Variants in PRDM5 observed in about 807,000 individuals in gnomAD.
PRDM5 encodes PR/SET domain 5, also known as PR domain zinc finger protein 5.
Under a neutral mutation model 81.2 loss-of-function variants are expected in PRDM5, and 56 were observed. That is an observed-to-expected ratio of 0.69 (90% CI 0.56 to 0.86). The LOEUF is 0.86. Ranked by LOEUF, PRDM5 falls within the 40% of genes least tolerant of loss-of-function variation. The pLI is 0.00. For missense variants in PRDM5, 697 were observed against 770.1 expected (o/e 0.91, Z 1.12); for synonymous variants, 267 against 256.4 (o/e 1.04, Z -0.39).
intron 14 of PRDM5, among the ~76,000 whole-genome samples, chr4:120,741,748 T>C (rs1253787774): frequency 6.6e-6 from 1 of 151,928 alleles, no homozygotes; most frequent in Non-Finnish European, 1.5e-5. Context: ...CACCACGAGA[T>C]TATATCATGC....
At chr4:120,838,858 A>C (rs1026505514) in intron 3 of PRDM5, 1 of 217,542 alleles carries the variant, frequency 4.6e-6, no homozygotes, top group Non-Finnish European at 9.2e-6. Flanking sequence ...CCTGGATTCC[A>C]CACCTGCCAA....
intron 1 of PRDM5, among the ~76,000 whole-genome samples, chr4:120,912,940 C>T (rs993108618): frequency 6.6e-6 from 1 of 152,120 alleles, no homozygotes; most frequent in Non-Finnish European, 1.5e-5. Flanking sequence ...CATGGATGTG[C>T]CTTTGCAATA....
At chr4:120,714,364 C>A (rs903569429) in intron 14 of PRDM5, among the ~76,000 whole-genome samples, 10 of 151,916 alleles carry the variant, frequency 6.6e-5, no homozygotes, top group Non-Finnish European at 8.8e-5. Context: ...TTCTGTTGTA[C>A]TCTAATTTCT....
At chr4:120,702,380 T>A (rs937575419) in intron 15 of PRDM5, among the ~76,000 whole-genome samples, 7 of 152,174 alleles carry the variant, frequency 4.6e-5, no homozygotes, top group African/African-American at 1.7e-4. Context: ...TTACCCAGCT[T>A]ACTCCTACTC....
At chr4:120,755,233 A>C (rs1436041631) in intron 13 of PRDM5, among the ~76,000 whole-genome samples, 1 of 152,232 alleles carries the variant, frequency 6.6e-6, no homozygotes, top group Non-Finnish European at 1.5e-5. Flanking sequence ...AAACAGCCAA[A>C]ATGTTTTTCA....
intron 15 of PRDM5, among the ~76,000 whole-genome samples, chr4:120,704,373 A>G (rs376152269): frequency 1.3e-5 from 2 of 152,228 alleles, no homozygotes; most frequent in African/African-American, 2.4e-5. Flanking sequence ...AACTAGTTCA[A>G]GTAGTACAAC....
intron 2 of PRDM5, among the ~76,000 whole-genome samples, chr4:120,875,616 G>A (rs1762264145): frequency 1.3e-5 from 2 of 152,310 alleles, no homozygotes; most frequent in East Asian, 3.9e-4. Context: ...ACAAGCCAAA[G>A]CTAGATTTCT....
At chr4:120,699,532 T>A (rs1330491559) in intron 15 of PRDM5, among the ~76,000 whole-genome samples, 3 of 152,112 alleles carry the variant, frequency 2.0e-5, no homozygotes, top group Non-Finnish European at 4.4e-5. Context: ...AGCACCAACA[T>A]GGAATTGGCG....
At chr4:120,843,635 G>A (rs979243762) in intron 3 of PRDM5, among the ~76,000 whole-genome samples, 2 of 150,044 alleles carry the variant, frequency 1.3e-5, no homozygotes, top group African/African-American at 4.9e-5. Context: ...AGGCTGCAAT[G>A]AGCCATGATC....
At position 120,694,421 on chromosome 4, in the gene PRDM5, T is replaced by A. The variant is rs1202364433; in HGVS notation, c.*690A>T. ...GTATTCCAGACCATGAATGTCTGCA[T>A]CTGAATGATGAGAATAAATAATGTT... is the stretch of plus-strand genomic sequence containing the variant. On this transcript the variant is annotated 3_prime_UTR_variant, in exon 16 of 16. Coordinates refer to ENST00000264808, the MANE Select transcript of PRDM5 (RefSeq NM_018699.4). 1 of 152,206 alleles carries A rather than the reference T, an allele frequency of 6.6e-6. No homozygotes were observed. The highest frequency in any genetic ancestry group is 1.5e-5 in the Non-Finnish European group (1 of 68,060). 9.4% of individuals were successfully genotyped at this position (152,206 alleles called of 1,614,324 possible). A position where few individuals can be genotyped will look rare whatever the true frequency, so the allele number is the denominator to read the frequency against.
At position 120,920,035 on chromosome 4, in the gene PRDM5, G is replaced by A. The variant is rs569027163; in HGVS notation, c.93+2481C>T. Among the ~76,000 whole-genome samples the A allele has an allele frequency of 1.7e-4, 26 of 152,198 alleles. No homozygotes were observed. The South Asian group carries it at 2.1e-3, about 12-fold the overall frequency. ...CTAGTAGGACTAAGGTAAAGCCAGG[G>A]AATTAGGTGATTCTGCTGCAAAGAC... On this transcript the variant is annotated intron_variant, in intron 1 of 15. Coordinates refer to ENST00000264808, the MANE Select transcript of PRDM5 (RefSeq NM_018699.4).
intron 2 of PRDM5, among the ~76,000 whole-genome samples, chr4:120,903,893 T>C (rs58926376): frequency 0.017 from 2,570 of 152,106 alleles, 74 homozygotes; most frequent in African/African-American, 0.059. Context: ...TGTGAGACCA[T>C]TAAACTTCCT....
At chr4:120,784,808 A>G (rs931561395) in intron 11 of PRDM5, among the ~76,000 whole-genome samples, 190 bp downstream of exon 11, 1 of 152,184 alleles carries the variant, frequency 6.6e-6, no homozygotes, top group Non-Finnish European at 1.5e-5. Flanking sequence ...AATTAATATT[A>G]CTGTGGAAAA....
intron 2 of PRDM5, among the ~76,000 whole-genome samples, chr4:120,859,668 T>C (rs551777960): frequency 4.6e-5 from 7 of 152,330 alleles, no homozygotes; most frequent in Non-Finnish European, 8.8e-5. Context: ...AACCCAGATG[T>C]CATTTTAGCT....
chr4:120,740,546 T>C (rs139248368), intron 14 of PRDM5, among the ~76,000 whole-genome samples: 353 of 152,282 alleles, frequency 2.3e-3, no homozygotes, highest in African/African-American at 8.1e-3. Flanking sequence ...TAGATTCATC[T>C]GTGACTCCTC....
chr4:120,722,344 G>T (rs843571), intron 14 of PRDM5, among the ~76,000 whole-genome samples: 8 of 151,548 alleles, frequency 5.3e-5, no homozygotes, highest in African/African-American at 1.2e-4. Flanking sequence ...TGTAATCCCA[G>T]GCCTGTGTCT....
At chr4:120,835,350 G>A (rs997721878) in intron 3 of PRDM5, among the ~76,000 whole-genome samples, 1 of 152,180 alleles carries the variant, frequency 6.6e-6, no homozygotes, top group African/African-American at 2.4e-5. Flanking sequence ...AAGAGAAAAT[G>A]TGTCTGTGTG....
Position 120,751,561 on chromosome 4 carries a change from G to T in PRDM5, c.1623+2992C>A, listed in dbSNP as rs530647544. Among the ~76,000 whole-genome samples the T allele has an allele frequency of 9.9e-5, 15 of 152,038 alleles. No individual in the cohort carries two copies. The South Asian group carries it at 3.1e-3, about 32-fold the overall frequency. On this transcript the variant is annotated intron_variant, in intron 14 of 15. Coordinates refer to ENST00000264808, the MANE Select transcript of PRDM5 (RefSeq NM_018699.4). ...TAAAGATAGCAGACTACAGATCTAA[G>T]CTGCAAAAATACAATGAAAAACACA...
chr4:120,697,643 GC>G (rs5861481), intron 15 of PRDM5, among the ~76,000 whole-genome samples: 144,559 of 145,914 alleles, frequency 0.99, 71,626 homozygotes, highest in East Asian at 1. Context: ...GGGACTACAG[GC>G]CAGATGCCAC....
Sources: gnomAD v4.1 joint callset for allele counts (sites outside exome capture counted in the v4.1 genomes callset) on GRCh38, gnomAD v4.1.1 for gene constraint, MANE v1.5 for transcripts, NCBI Gene and HGNC (gene_info 2026-07-23, HGNC 2026-07-21) for gene names.